The following AAMDC variants were observed in gnomAD, a reference collection of about 807,000 sequenced individuals.
AAMDC encodes the protein mth938 domain-containing protein.
In AAMDC, 16 loss-of-function variants were observed where a neutral mutation model predicts 15.5. The ratio of observed to expected loss-of-function variants is 1.03; its 90% CI spans 0.70 to 1.57. AAMDC has a LOEUF of 1.57. Among genes scored for constraint, AAMDC ranks in the 40% most tolerant of loss-of-function variants. The pLI is 0.00. For synonymous variants in AAMDC, 51 were observed against 51.6 expected (o/e 0.99, Z 0.05); for missense variants, 141 against 144.9 (o/e 0.97, Z 0.14).
In AAMDC at chr11:77,824,696, GT is replaced by G. The variant is rs775519811; in HGVS notation, c.-19+3458del. The stretch of plus-strand genomic sequence containing the variant: ...TGTGGCAATAGAAATCAAAGTAGTT[GT>G]TTCCTTTGAGCTTGGAAGGGTATTG... On this transcript the variant is annotated intron_variant, in intron 1 of 3. Coordinates refer to ENST00000393427, the MANE Select transcript of AAMDC (RefSeq NM_024684.4). 7.2e-5 allele frequency among the ~76,000 whole-genome samples: 11 copies of G among 152,170 alleles called. No individual in the cohort carries two copies. The East Asian group carries it at 1.5e-3, about 21-fold the overall frequency.
intron 5 of AAMDC, chr11:77,891,499 A>G (rs1392494680): frequency 1.9e-6 from 3 of 1,610,564 alleles, no homozygotes; most frequent in African/African-American, 2.7e-5. Context: ...TTTTAAAGCC[A>G]GGTCATTCCT....
rs767406733 is a variant in AAMDC at position 77,831,862 on chromosome 11, A to ATT, written c.-18-10591_-18-10590dup. ...AGACATGTGCCACCATGCCTGGCTA[A>ATT]TTTTTTTTTTTTTTTTTTTTTTTTT... On this transcript the variant is annotated intron_variant, in intron 1 of 3. Coordinates refer to ENST00000393427, the MANE Select transcript of AAMDC (RefSeq NM_024684.4). 43 of 80,818 alleles carry ATT rather than the reference A, an allele frequency of 5.3e-4. 1 individual carries two copies. The highest frequency in any genetic ancestry group is 1.0e-3 in the African/African-American group (17 of 16,976). The allele number at this position is 80,818 out of a possible 1,614,324, so 5.0% of individuals were successfully genotyped here.
At chr11:77,832,243 A>G (rs1949462929) in intron 1 of AAMDC, among the ~76,000 whole-genome samples, 1 of 152,048 alleles carries the variant, frequency 6.6e-6, no homozygotes, top group Non-Finnish European at 1.5e-5. Flanking sequence ...TCAACATCAT[A>G]TATTTCTGGC....
chr11:77,848,552 G>A (rs1362491591), intron 2 of AAMDC, among the ~76,000 whole-genome samples: 1 of 152,036 alleles, frequency 6.6e-6, no homozygotes, highest in Non-Finnish European at 1.5e-5. Flanking sequence ...TAGAGGTGGG[G>A]TTTCACCATG....
intron 1 of AAMDC, among the ~76,000 whole-genome samples, chr11:77,835,814 G>A (rs1479868299): frequency 3.3e-5 from 5 of 152,088 alleles, no homozygotes; most frequent in Non-Finnish European, 5.9e-5. Flanking sequence ...CCAGCTACAA[G>A]GGTGGCTGAG....
intron 2 of AAMDC, among the ~76,000 whole-genome samples, chr11:77,858,302 CTTTTTTTTTTT>C (rs71473358): frequency 1.7e-4 from 12 of 69,348 alleles, no homozygotes; most frequent in African/African-American, 3.1e-4. Flanking sequence ...TTAAGCAATT[CTTTTTTTTTTT>C]TTTTTTTTTT....
chr11:77,881,867 A>G (rs1339867930), intron 5 of AAMDC, among the ~76,000 whole-genome samples: 1 of 152,070 alleles, frequency 6.6e-6, no homozygotes, highest in East Asian at 1.9e-4. Context: ...GTGACTGGGT[A>G]GCGACCATTC....
chr11:77,823,086 G>A (rs965030869), intron 1 of AAMDC, among the ~76,000 whole-genome samples: 2 of 151,590 alleles, frequency 1.3e-5, no homozygotes, highest in East Asian at 3.9e-4. Context: ...TGGTGGCGGC[G>A]GGCCCCTGTA....
chr11:77,891,368 T>A (rs529109168), intron 5 of AAMDC: 12 of 1,611,484 alleles, frequency 7.4e-6, no homozygotes, highest in Non-Finnish European at 2.5e-6. Flanking sequence ...CAGGGTTGCA[T>A]CAACATCCAG....
intron 2 of AAMDC, among the ~76,000 whole-genome samples, chr11:77,856,029 G>A (rs1950606825): frequency 6.6e-6 from 1 of 152,068 alleles, no homozygotes; most frequent in Admixed American, 6.5e-5. Flanking sequence ...TGAGGTAGGG[G>A]GATTCCTTGA....
intron 2 of AAMDC, among the ~76,000 whole-genome samples, chr11:77,847,675 T>A (rs1409927074): frequency 2.0e-5 from 3 of 152,354 alleles, no homozygotes; most frequent in Admixed American, 2.0e-4. Flanking sequence ...TAGGTGGTGG[T>A]GTGGTTAATA....
chr11:77,868,698 GT>G (rs34460167), intron 2 of AAMDC: 1 of 193,688 alleles, frequency 5.2e-6, no homozygotes. Context: ...TGTTGTTGTT[GT>G]TTTTTAACAC....
intron 5 of AAMDC, among the ~76,000 whole-genome samples, chr11:77,896,026 C>T (rs530288309): frequency 5.6e-4 from 85 of 152,162 alleles, no homozygotes; most frequent in African/African-American, 1.7e-3. Flanking sequence ...GTGTTATAAA[C>T]GACAATCAGG....
intron 5 of AAMDC, among the ~76,000 whole-genome samples, chr11:77,883,666 C>T (rs1258976534): frequency 6.6e-6 from 1 of 152,056 alleles, no homozygotes; most frequent in African/African-American, 2.4e-5. Context: ...CCAAATATAC[C>T]CAGTTTTTTA....
intron 2 of AAMDC, among the ~76,000 whole-genome samples, chr11:77,860,789 C>T (rs1316842035): frequency 6.6e-6 from 1 of 152,072 alleles, no homozygotes; most frequent in Non-Finnish European, 1.5e-5. Flanking sequence ...TCCTTAAGGT[C>T]CAGGACTGTA....
downstream of AAMDC, among the ~76,000 whole-genome samples, chr11:77,875,124 A>G (rs1565215912): frequency 6.6e-6 from 1 of 151,978 alleles, no homozygotes; most frequent in Admixed American, 6.6e-5. Flanking sequence ...GAGTTCAATC[A>G]TCTCAAAGCA....
At chr11:77,876,609 A>G (rs1360582895), downstream of AAMDC, among the ~76,000 whole-genome samples, 1 of 152,152 alleles carries the variant, frequency 6.6e-6, no homozygotes, top group Non-Finnish European at 1.5e-5. Flanking sequence ...GGAGAATTCT[A>G]TACCCCCTAG....
chr11:77,843,397 A>C (rs1950015229), intron 2 of AAMDC, among the ~76,000 whole-genome samples: 1 of 152,134 alleles, frequency 6.6e-6, no homozygotes, highest in Non-Finnish European at 1.5e-5. Context: ...CAACAACAGA[A>C]AGATGGGGGC....
At chr11:77,850,817 C>CTT (rs1950344491) in intron 2 of AAMDC, 1 of 151,944 alleles carries the variant, frequency 6.6e-6, no homozygotes, top group African/African-American at 2.4e-5. Context: ...TACACTCACA[C>CTT]TTTGTCCCCC....
Sources: allele counts gnomAD v4.1 joint callset (sites outside exome capture counted in the v4.1 genomes callset), GRCh38; gene constraint gnomAD v4.1.1; transcripts MANE v1.5; gene names NCBI Gene and HGNC (gene_info 2026-07-23, HGNC 2026-07-21).